Variants in TLK1 observed in about 807,000 individuals in gnomAD.
TLK1 encodes the protein serine/threonine-protein kinase tousled-like 1.
A neutral mutation model predicts 105.3 loss-of-function variants in TLK1; 24 were observed. The ratio of observed to expected loss-of-function variants is 0.23; its 90% confidence interval spans 0.17 to 0.32. The LOEUF (loss-of-function observed/expected upper bound fraction) is 0.32. TLK1 is among the 10% of genes least tolerant of loss of function. The pLI, the probability that TLK1 is intolerant of heterozygous loss-of-function variation, is 1.00. For synonymous variants in TLK1, 321 were observed against 310.4 expected (o/e 1.03, Z -0.36); for missense variants, 558 against 910.5 (o/e 0.61, Z 4.98).
intron 1 of TLK1, among the ~76,000 whole-genome samples, chr2:171,194,071 A>C (rs183713523): frequency 1.4e-3 from 214 of 152,242 alleles, no homozygotes; most frequent in African/African-American, 5.0e-3. Context: ...TAGTTCAAAA[A>C]AATTTTCCCT....
chr2:171,101,274 A>C (rs573991007), intron 2 of TLK1, among the ~76,000 whole-genome samples: 3 of 139,592 alleles, frequency 2.1e-5, no homozygotes, highest in Non-Finnish European at 4.5e-5. Flanking sequence ...TGAACCCAGA[A>C]GGTGGAGGTT....
chr2:170,999,048 G>A (rs1684224862), intron 18 of TLK1, among the ~76,000 whole-genome samples: 1 of 152,184 alleles, frequency 6.6e-6, no homozygotes. Flanking sequence ...TTACAGGCAT[G>A]AGCCACCACA....
At chr2:171,017,959 G>A (rs1190327288) in intron 12 of TLK1, among the ~76,000 whole-genome samples, 2 of 152,252 alleles carry the variant, frequency 1.3e-5, no homozygotes, top group African/African-American at 4.8e-5. Flanking sequence ...ACACACTTCT[G>A]GGGGAAAGGT....
chr2:171,011,450 T>A lies in TLK1; in HGVS notation c.1339A>T (p.Lys447Ter). Reference protein sequence around the residue: ...RINNEDNSQFKDHPTLNERYL... With the variant: ...RINNEDNSQF The stretch of plus-strand genomic sequence containing the variant: ...CTTTCATTTAATGTTGGGTGATCTT[T>A]GAACCTTAGAGGTGGGGGCAAAAAA... Residue 447 changes from lysine to a stop codon, truncating the protein, a stop_gained, in exon 14 of 21, where the codon AAA (lysine) becomes TAA (stop). Coordinates refer to ENST00000431350, the MANE Select transcript of TLK1 (RefSeq NM_012290.5). LOFTEE classifies it high-confidence loss of function. The A allele has an allele frequency of 6.2e-7, 1 of 1,611,592 alleles. No homozygotes were observed. Among genetic ancestry groups the A allele is most frequent in the Non-Finnish European group, 8.5e-7 (1 of 1,179,050 alleles).
At position 170,992,167 on chromosome 2, in the gene TLK1, T is replaced by C. The variant is rs1387219188; in HGVS notation, c.*1613A>G. 1.3e-5 allele frequency: 2 copies of C among 152,190 alleles called. No individual in the cohort carries two copies. The highest frequency in any genetic ancestry group is 4.8e-5 in the African/African-American group (2 of 41,458). The allele number at this position is 152,190 out of a possible 1,614,324, so 9.4% of individuals were successfully genotyped here. A position where few individuals can be genotyped will look rare whatever the true frequency, so the allele number is the denominator to read the frequency against. ...CTTCCAATGTAATTTTCATAGTCTT[T>C]ACATTTTAACTGTCATTGTTTATTA... On this transcript the variant is annotated 3_prime_UTR_variant, in exon 21 of 21. Transcript: ENST00000431350.
intron 1 of TLK1, among the ~76,000 whole-genome samples, chr2:171,128,785 TAC>T (rs1424029012): frequency 6.6e-6 from 1 of 152,212 alleles, no homozygotes; most frequent in Non-Finnish European, 1.5e-5. Context: ...CAAATGTATA[TAC>T]ACATACTCAC....
chr2:171,200,418 C>G (rs138444779), intron 1 of TLK1, among the ~76,000 whole-genome samples: 7 of 152,282 alleles, frequency 4.6e-5, no homozygotes, highest in Admixed American at 1.3e-4. Flanking sequence ...AGCCATGGTT[C>G]CTTTCTTTGA....
At chr2:171,112,856 A>G (rs1209121538) in intron 2 of TLK1, among the ~76,000 whole-genome samples, 1 of 152,210 alleles carries the variant, frequency 6.6e-6, no homozygotes, top group Non-Finnish European at 1.5e-5. Flanking sequence ...TAAGAAGTCC[A>G]TGGGGAGAAC....
At chr2:171,144,410 GA>G (rs1160578682) in intron 1 of TLK1, among the ~76,000 whole-genome samples, 2 of 152,104 alleles carry the variant, frequency 1.3e-5, no homozygotes, top group Non-Finnish European at 2.9e-5. Context: ...CAGGATAGAT[GA>G]TCTATGCTAG....
At chr2:171,100,427 G>A (rs539993709) in intron 2 of TLK1, among the ~76,000 whole-genome samples, 5 of 152,212 alleles carry the variant, frequency 3.3e-5, no homozygotes, top group African/African-American at 9.6e-5. Context: ...GCAAGAGCAC[G>A]TTGTTATAAA....
chr2:171,048,725 G>A (rs910384720), intron 10 of TLK1, among the ~76,000 whole-genome samples: 1 of 56,734 alleles, frequency 1.8e-5, no homozygotes. Context: ...AATCTGCTGA[G>A]AGAGAAGGCC....
At chr2:171,064,071 T>C (rs1687879133) in intron 3 of TLK1, among the ~76,000 whole-genome samples, 1 of 152,184 alleles carries the variant, frequency 6.6e-6, no homozygotes, top group Admixed American at 6.5e-5. Context: ...AAATGTCTTT[T>C]CATTAAACCA....
intron 1 of TLK1, among the ~76,000 whole-genome samples, chr2:171,132,035 GT>G: frequency 6.6e-6 from 1 of 152,238 alleles, no homozygotes; most frequent in Admixed American, 6.5e-5. Context: ...GTTTGGGTTT[GT>G]TTTTCTTTAC....
At chr2:171,084,012 T>C (rs774939670) in intron 2 of TLK1, among the ~76,000 whole-genome samples, 3 of 151,996 alleles carry the variant, frequency 2.0e-5, no homozygotes, top group Non-Finnish European at 4.4e-5. Context: ...TAAAACTAAA[T>C]AGTAAACCAA....
At chr2:171,125,197 G>A (rs1462318708) in intron 1 of TLK1, among the ~76,000 whole-genome samples, 1 of 152,134 alleles carries the variant, frequency 6.6e-6, no homozygotes, top group East Asian at 1.9e-4. Flanking sequence ...TCATTTTTAT[G>A]AAGAAATTAT....
intron 3 of TLK1, among the ~76,000 whole-genome samples, chr2:171,075,161 T>C (rs1044250407): frequency 6.6e-6 from 1 of 152,066 alleles, no homozygotes; most frequent in Non-Finnish European, 1.5e-5. Flanking sequence ...GTGCTTAGAA[T>C]ACACTAAGCA....
intron 1 of TLK1, among the ~76,000 whole-genome samples, chr2:171,179,430 C>T (rs1692888326): frequency 6.6e-6 from 1 of 152,124 alleles, no homozygotes; most frequent in South Asian, 2.1e-4. Context: ...TTCCCCAATG[C>T]CCCCTATTTG....
chr2:171,146,131 A>G (rs1691781153), intron 1 of TLK1, among the ~76,000 whole-genome samples: 1 of 152,204 alleles, frequency 6.6e-6, no homozygotes, highest in South Asian at 2.1e-4. Flanking sequence ...TGAACTTCAG[A>G]AAGCAGTAAC....
chr2:171,090,653 A>G (rs1689188732), intron 2 of TLK1, among the ~76,000 whole-genome samples: 1 of 152,240 alleles, frequency 6.6e-6, no homozygotes, highest in Non-Finnish European at 1.5e-5. Flanking sequence ...AAATTTCAGT[A>G]TTAATTCTTT....
Sources: gnomAD v4.1 joint callset for allele counts (sites outside exome capture counted in the v4.1 genomes callset) on GRCh38, gnomAD v4.1.1 for gene constraint, MANE v1.5 for transcripts, NCBI Gene and HGNC (gene_info 2026-07-23, HGNC 2026-07-21) for gene names.